Variants in CCDC178 observed in about 807,000 individuals in gnomAD.
CCDC178 encodes coiled-coil domain containing 178, also known as coiled-coil domain-containing protein 178.
CCDC178 carries 126 observed loss-of-function variants against 117.4 expected under a neutral mutation model. That is an observed-to-expected ratio of 1.07 (90% CI 0.93 to 1.24). CCDC178 has a LOEUF of 1.24. Among genes scored for constraint, CCDC178 ranks in the 50% most tolerant of loss-of-function variants. The pLI is 0.00. For missense variants in CCDC178, 1,030 were observed against 986.9 expected (o/e 1.04, Z -0.59); for synonymous variants, 283 against 313.4 (o/e 0.90, Z 1.02).
At chr18:33,408,020 A>C (rs1467885186) in intron 3 of CCDC178, among the ~76,000 whole-genome samples, 1 of 151,928 alleles carries the variant, frequency 6.6e-6, no homozygotes, top group African/African-American at 2.4e-5. Context: ...TGATTATGAA[A>C]CAAAATCTAC....
At chr18:33,153,799 A>G (rs2144351796) in intron 20 of CCDC178, among the ~76,000 whole-genome samples, 1 of 152,122 alleles carries the variant, frequency 6.6e-6, no homozygotes, top group African/African-American at 2.4e-5. Context: ...AATTTAAAAT[A>G]TAAGTAAACA....
In CCDC178 at chr18:32,992,727, T is replaced by G. The variant is rs544149281; in HGVS notation, c.2389-18046A>C. Among the ~76,000 whole-genome samples, 25 of 152,320 alleles carry G rather than the reference T, an allele frequency of 1.6e-4. No individual in the cohort carries two copies. In the South Asian group the frequency reaches 5.0e-3, roughly 30 times the overall value. On this transcript the variant is annotated intron_variant, in intron 21 of 22. Coordinates refer to ENST00000383096, the MANE Select transcript of CCDC178 (RefSeq NM_001105528.4). ...ATATGGATATTTTAATTAGCTTGAC[T>G]GAATCTTTCTACAATGTACACATAC...
chr18:33,225,515 C>T (rs1302388751), intron 16 of CCDC178, among the ~76,000 whole-genome samples: 1 of 152,122 alleles, frequency 6.6e-6, no homozygotes, highest in African/African-American at 2.4e-5. Flanking sequence ...GAGAGAAACA[C>T]TTTAATAGAC....
At chr18:33,377,158 T>C (rs8088000) in intron 5 of CCDC178, among the ~76,000 whole-genome samples, 106,683 of 152,132 alleles carry the variant, frequency 0.7, 40,197 homozygotes, top group East Asian at 0.99. Context: ...TGGTATGAGA[T>C]GCTATCTCAT....
chr18:33,440,114 A>AT (rs1426158337), intron 1 of CCDC178, 33 bp from the exon 2 acceptor site: 1 of 152,174 alleles, frequency 6.6e-6, no homozygotes, highest in Non-Finnish European at 1.5e-5. Context: ...AAAGAAATCA[A>AT]TAACAGTTCA....
chr18:33,219,242 G>A lies in CCDC178; in HGVS notation c.1933-3547C>T, dbSNP rs528723280. Among the ~76,000 whole-genome samples the A allele has an allele frequency of 3.9e-5, 6 of 152,208 alleles. No homozygotes were observed. The East Asian group carries it at 1.2e-3, about 29-fold the overall frequency. On this transcript the variant is annotated intron_variant, in intron 18 of 22. Coordinates refer to ENST00000383096, the MANE Select transcript of CCDC178 (RefSeq NM_001105528.4). ...CACAATGAGATACCATCTCACACCAGTTAGAATGGCAATCATTAAAAAGTC... is the reference window on the plus strand; with the variant it reads ...CACAATGAGATACCATCTCACACCAATTAGAATGGCAATCATTAAAAAGTC...
chr18:33,213,372 C>G (rs1488379737), intron 19 of CCDC178, among the ~76,000 whole-genome samples: 1 of 151,952 alleles, frequency 6.6e-6, no homozygotes, highest in African/African-American at 2.4e-5. Context: ...CCTCTTTCAT[C>G]TATCTTGCCC....
chr18:33,380,446 C>A (rs1429303303), intron 5 of CCDC178, among the ~76,000 whole-genome samples: 1 of 152,196 alleles, frequency 6.6e-6, no homozygotes, highest in Non-Finnish European at 1.5e-5. Context: ...GCTCTCAGTG[C>A]TGAGTCTAAG....
At chr18:33,040,520 A>G (rs527340116) in intron 21 of CCDC178, among the ~76,000 whole-genome samples, 4 of 152,118 alleles carry the variant, frequency 2.6e-5, no homozygotes, top group South Asian at 2.1e-4. Flanking sequence ...GTTGCCCTGT[A>G]TCTATTTGGG....
At chr18:33,018,432 G>T (rs1043095771) in intron 21 of CCDC178, among the ~76,000 whole-genome samples, 1 of 152,044 alleles carries the variant, frequency 6.6e-6, no homozygotes, top group Non-Finnish European at 1.5e-5. Context: ...TTCAAGAGAA[G>T]TGTAAAGGTA....
At chr18:33,317,617 C>T (rs1450619405) in intron 11 of CCDC178, among the ~76,000 whole-genome samples, 1 of 152,114 alleles carries the variant, frequency 6.6e-6, no homozygotes, top group Admixed American at 6.5e-5. Context: ...GGGGTCTGGA[C>T]TGGGACCCCT....
At chr18:33,229,528 T>A (rs1013540407) in intron 15 of CCDC178, among the ~76,000 whole-genome samples, 2 of 152,188 alleles carry the variant, frequency 1.3e-5, no homozygotes, top group Non-Finnish European at 2.9e-5. Flanking sequence ...GTTATGATTG[T>A]CCCTTTTGCA....
chr18:33,410,835 C>A (rs1051394728), intron 3 of CCDC178, among the ~76,000 whole-genome samples: 2 of 152,146 alleles, frequency 1.3e-5, no homozygotes, highest in African/African-American at 4.8e-5. Context: ...ACCAGTTCTG[C>A]GCATTGGCCT....
intron 20 of CCDC178, among the ~76,000 whole-genome samples, chr18:33,127,850 T>G (rs553230317): frequency 6.6e-6 from 1 of 152,216 alleles, no homozygotes; most frequent in Non-Finnish European, 1.5e-5. Context: ...GCTTCAAAGT[T>G]TATCTGAACT....
chr18:33,224,972 T>C (rs1380862062), intron 16 of CCDC178, 36 bp from the exon 17 acceptor site: 3 of 1,441,398 alleles, frequency 2.1e-6, no homozygotes, highest in East Asian at 2.5e-5. Context: ...CATTCAGTTA[T>C]TAACTTAAAC....
At chr18:33,017,154 T>C (rs2056009212) in intron 21 of CCDC178, among the ~76,000 whole-genome samples, 1 of 151,884 alleles carries the variant, frequency 6.6e-6, no homozygotes, top group Non-Finnish European at 1.5e-5. Context: ...AAAGGAAGAA[T>C]GTAAACTATA....
chr18:33,009,388 T>G (rs969501980), intron 21 of CCDC178, among the ~76,000 whole-genome samples: 2 of 152,132 alleles, frequency 1.3e-5, no homozygotes, highest in African/African-American at 4.8e-5. Context: ...TATCCCTTCA[T>G]TATTTCTCTG....
intron 5 of CCDC178, among the ~76,000 whole-genome samples, chr18:33,372,453 T>A (rs560913105): frequency 3.3e-4 from 51 of 152,252 alleles, no homozygotes; most frequent in Middle Eastern, 3.4e-3. Context: ...ATTGGTAGGA[T>A]GTTATATAAG....
chr18:33,265,975 G>T (rs1341519892), intron 14 of CCDC178, among the ~76,000 whole-genome samples: 1 of 151,946 alleles, frequency 6.6e-6, no homozygotes, highest in Non-Finnish European at 1.5e-5. Context: ...AGTTGAAATA[G>T]AGGAGTCATG....
Sources: gnomAD v4.1 joint callset for allele counts (sites outside exome capture counted in the v4.1 genomes callset) on GRCh38, gnomAD v4.1.1 for gene constraint, MANE v1.5 for transcripts, NCBI Gene and HGNC (gene_info 2026-07-23, HGNC 2026-07-21) for gene names.